Variants in MEI1 observed in about 807,000 individuals in gnomAD.
MEI1 encodes meiotic double-stranded break formation protein 1, also known as meiosis inhibitor protein 1.
Under a neutral mutation model 146.2 loss-of-function variants are expected in MEI1, and 103 were observed. The observed-to-expected ratio is 0.70, with a 90% CI of 0.60 to 0.83. The LOEUF (loss-of-function observed/expected upper bound fraction) is 0.83, where lower values mean the gene tolerates loss of function less well. Among genes scored for constraint, MEI1 ranks in the 40% least tolerant of loss-of-function variants. The pLI, the probability that MEI1 is intolerant of heterozygous loss-of-function variation, is 0.00. For missense variants in MEI1, 1,529 were observed against 1,533.0 expected, an observed-to-expected ratio of 1.00 and a Z score of 0.04; for synonymous variants, 652 against 628.2, an observed-to-expected ratio of 1.04 and a Z score of -0.57.
rs548949272 is a variant in MEI1 at position 41,785,125 on chromosome 22, C to T, written c.3345+342C>T. 2.1e-3 allele frequency among the ~76,000 whole-genome samples: 315 copies of T among 149,918 alleles called. 2 individuals carry two copies. The highest frequency in any genetic ancestry group is 0.017 in the Middle Eastern group (5 of 288). On this transcript the variant is annotated intron_variant, in intron 26 of 30. Transcript: ENST00000401548. ...CTAATTTTTGTATTTTTAGTAGAGA[C>T]GGGGTTTCACCATGTTGGCCAGGAT...
chr22:41,789,597 A>G (rs1196621776), intron 26 of MEI1, among the ~76,000 whole-genome samples: 8 of 152,128 alleles, frequency 5.3e-5, no homozygotes, highest in Admixed American at 4.6e-4. Flanking sequence ...AGATCTTTTC[A>G]TCTTCCCAAA....
chr22:41,750,949 T>C (rs769707202), intron 15 of MEI1, among the ~76,000 whole-genome samples: 3 of 151,990 alleles, frequency 2.0e-5, no homozygotes, highest in Non-Finnish European at 2.9e-5. Flanking sequence ...GGGCGCTGGA[T>C]GGGAGGCAAG....
Position 41,784,438 on chromosome 22 carries a change from T to C in MEI1, c.3169+18T>C. On this transcript the variant is annotated intron_variant, in intron 25 of 30. Coordinates refer to ENST00000401548, the MANE Select transcript of MEI1 (RefSeq NM_152513.4). ...ACTCTCAGGTATGGGTCCACAAGTC[T>C]CCAGCAGAAGAAAAGCTTTTTCCCT... The C allele has an allele frequency of 6.2e-7, 1 of 1,613,304 alleles. No homozygotes were observed. The highest frequency in any genetic ancestry group is 1.1e-5 in the South Asian group (1 of 91,058).
Position 41,709,243 on chromosome 22 carries a change from A to C in MEI1, c.349+3689A>C, listed in dbSNP as rs904523573. ...TTCACTTGGCATCTCCAGCACCTTC[A>C]GCTTTCTGTGCCTGGTCTGTCTTGG... On this transcript the variant is annotated intron_variant, in intron 3 of 30. Transcript: ENST00000401548. The C allele has an allele frequency of 2.3e-5, 20 of 881,668 alleles. No individual in the cohort carries two copies. In the Admixed American group the frequency reaches 3.2e-4, roughly 14 times the overall value. 54.6% of individuals were successfully genotyped at this position (881,668 alleles called of 1,614,324 possible). A position where few individuals can be genotyped will look rare whatever the true frequency, so the allele number is the denominator to read the frequency against.
intron 26 of MEI1, among the ~76,000 whole-genome samples, chr22:41,787,523 T>C (rs1452885234): frequency 6.6e-6 from 1 of 152,220 alleles, no homozygotes; most frequent in Non-Finnish European, 1.5e-5. Flanking sequence ...CTTAAGAGTT[T>C]AAGTTCATGG....
At chr22:41,798,311 T>A (rs2076444361) in intron 30 of MEI1, among the ~76,000 whole-genome samples, 1 of 152,180 alleles carries the variant, frequency 6.6e-6, no homozygotes, top group Admixed American at 6.5e-5. Flanking sequence ...GTGCAGTGGC[T>A]CACGCCTGTA....
chr22:41,716,887 C>T (rs1001101108), intron 5 of MEI1, among the ~76,000 whole-genome samples: 5 of 151,668 alleles, frequency 3.3e-5, no homozygotes, highest in African/African-American at 4.8e-5. Flanking sequence ...GACGGAGTTT[C>T]ACCATGTTAG....
chr22:41,789,591 CT>C (rs2076103940), intron 26 of MEI1, among the ~76,000 whole-genome samples: 2 of 152,168 alleles, frequency 1.3e-5, no homozygotes, highest in Admixed American at 1.3e-4. Context: ...ATCTCTAGAT[CT>C]TTTCATCTTC....
chr22:41,718,398 G>A lies in MEI1; in HGVS notation c.733+124G>A, dbSNP rs188832510. On this transcript the variant is annotated intron_variant, in intron 6 of 30. Transcript: ENST00000401548. ...TTTTGCAAAAGGTAGAAGCCACAAG[G>A]CTTGAGAGATAAGAGACACACTGTG... The A allele has an allele frequency of 4.1e-4, 332 of 818,388 alleles. No individual in the cohort carries two copies. In the African/African-American group the frequency reaches 5.2e-3, roughly 13 times the overall value. The allele number at this position is 818,388 out of a possible 1,614,324, so 50.7% of individuals were successfully genotyped here.
chr22:41,714,018 A>G lies in MEI1; in HGVS notation c.366A>G (p.Thr122=), dbSNP rs995937461. The change falls in exon 4 of 31, where the codon ACA becomes ACG. Residue 122 remains threonine (T), a synonymous_variant. Coordinates refer to ENST00000401548, the MANE Select transcript of MEI1 (RefSeq NM_152513.4). The part of the protein sequence containing the change: ...DLCIEVLIQI[T]TQLKLEQTIR... ...TCTGTTCAGTCCTTATTCAGATCAC[A>G]ACGCAGCTGAAGCTGGAGCAGACTA... 20 of 1,594,144 alleles carry G rather than the reference A, an allele frequency of 1.3e-5. No homozygotes were observed. The highest frequency in any genetic ancestry group is 1.4e-5 in the Non-Finnish European group (16 of 1,170,248).
chr22:41,759,366 A>C (rs2074308802), intron 18 of MEI1: 1 of 152,500 alleles, frequency 6.6e-6, no homozygotes, highest in African/African-American at 2.4e-5. Context: ...GCGGTGGCTT[A>C]CTCCTGTAAT....
chr22:41,753,318 G>GT (rs565997436), intron 16 of MEI1, among the ~76,000 whole-genome samples: 18 of 149,064 alleles, frequency 1.2e-4, no homozygotes, highest in South Asian at 2.1e-4. Flanking sequence ...GTTTTGTGTT[G>GT]TTTTTTTTTT....
chr22:41,705,367 T>G (rs2069009155), intron 2 of MEI1, 137 bp from the exon 3 acceptor site: 1 of 743,292 alleles, frequency 1.3e-6, no homozygotes, highest in Non-Finnish European at 2.4e-6. Context: ...AGAGAGGGTT[T>G]CGCCATATTG....
rs113484758 is a variant in MEI1, at chr22:41,793,806, A to ATT, written c.3346-8_3346-7dup. On this transcript the variant is annotated intron_variant, in intron 26 of 30. Coordinates refer to ENST00000401548, the MANE Select transcript of MEI1 (RefSeq NM_152513.4). The stretch of plus-strand genomic sequence containing the variant: ...GCCATTGGTAGCAAAACCTGACCTG[A>ATT]TTTTTTTTTTTTTTTTCTGCAGAAG... 7.0e-3 allele frequency: 9,622 copies of ATT among 1,378,362 alleles called. No homozygotes were observed. Among genetic ancestry groups the ATT allele is most frequent in the South Asian group, 0.017 (1,204 of 72,082 alleles). 85.4% of individuals were successfully genotyped at this position (1,378,362 alleles called of 1,614,324 possible). A position where few individuals can be genotyped will look rare whatever the true frequency, so the allele number is the denominator to read the frequency against.
At chr22:41,740,716 C>T (rs1369446698) in intron 11 of MEI1, among the ~76,000 whole-genome samples, 2 of 151,852 alleles carry the variant, frequency 1.3e-5, no homozygotes, top group Non-Finnish European at 2.9e-5. Context: ...GGCAGCAGAG[C>T]GAGACCCTGT....
chr22:41,764,334 T>G, intron 19 of MEI1, among the ~76,000 whole-genome samples: 1 of 152,296 alleles, frequency 6.6e-6, no homozygotes, highest in East Asian at 1.9e-4. Flanking sequence ...TGTTTTGTAA[T>G]CCCTAATTAA....
chr22:41,700,334 G>A (rs1396225305), intron 1 of MEI1, among the ~76,000 whole-genome samples: 1 of 152,222 alleles, frequency 6.6e-6, no homozygotes, highest in Non-Finnish European at 1.5e-5. Flanking sequence ...GCAATGAAGT[G>A]GTTTTGTTTG....
chr22:41,730,712 TG>T (rs66636807), intron 9 of MEI1, 75 bp downstream of exon 9: 1 of 914,652 alleles, frequency 1.1e-6, no homozygotes, highest in Admixed American at 1.8e-5. Flanking sequence ...GCCGCAGTGA[TG>T]GGGGGCTAGC....
intron 15 of MEI1, among the ~76,000 whole-genome samples, chr22:41,748,968 A>G (rs1351247596): frequency 6.6e-6 from 1 of 151,770 alleles, no homozygotes; most frequent in Non-Finnish European, 1.5e-5. Flanking sequence ...ACGCCCGGCT[A>G]ATTTTTTTGT....
Sources: allele counts gnomAD v4.1 joint callset (sites outside exome capture counted in the v4.1 genomes callset), GRCh38; gene constraint gnomAD v4.1.1; transcripts MANE v1.5; gene names NCBI Gene and HGNC (gene_info 2026-07-23, HGNC 2026-07-21).